CACNA2D3: variants seen among roughly 807,000 people sequenced by gnomAD.
CACNA2D3 encodes calcium voltage-gated channel auxiliary subunit alpha2delta 3.
CACNA2D3 carries 60 observed loss-of-function variants against 160.6 expected under a neutral mutation model. That is an observed-to-expected ratio of 0.37 (90% CI 0.30 to 0.46). The LOEUF (loss-of-function observed/expected upper bound fraction) is 0.46. CACNA2D3 is among the 20% of genes least tolerant of loss of function. The pLI is 1.00. For missense variants in CACNA2D3, 1,205 were observed against 1,365.0 expected (o/e 0.88, Z 1.85); for synonymous variants, 558 against 492.9 (o/e 1.13, Z -1.75).
chr3:54,317,388 A>T (rs913057983), intron 2 of CACNA2D3, among the ~76,000 whole-genome samples: 1 of 152,162 alleles, frequency 6.6e-6, no homozygotes, highest in African/African-American at 2.4e-5. Context: ...TTTACAAGAG[A>T]AGAGTTCTAT....
At chr3:54,844,531 C>G (rs1023834399) in intron 16 of CACNA2D3, among the ~76,000 whole-genome samples, 1 of 152,082 alleles carries the variant, frequency 6.6e-6, no homozygotes, top group South Asian at 2.1e-4. Flanking sequence ...TCTATTGTTT[C>G]CCTACTTCCA....
At chr3:54,436,111 T>C (rs2106783773) in intron 4 of CACNA2D3, among the ~76,000 whole-genome samples, 1 of 152,234 alleles carries the variant, frequency 6.6e-6, no homozygotes, top group Non-Finnish European at 1.5e-5. Context: ...ATTCACATCA[T>C]CTGAGATCCA....
intron 9 of CACNA2D3, among the ~76,000 whole-genome samples, chr3:54,617,669 T>A (rs1698883754): frequency 6.6e-6 from 1 of 152,226 alleles, no homozygotes; most frequent in African/African-American, 2.4e-5. Context: ...TATCCAAAAT[T>A]CAAAGTTAAT....
intron 17 of CACNA2D3, among the ~76,000 whole-genome samples, chr3:54,864,430 G>A (rs987717094): frequency 1.3e-5 from 2 of 152,046 alleles, no homozygotes; most frequent in Non-Finnish European, 2.9e-5. Flanking sequence ...ACACCACTGC[G>A]CTCAGCTAAT....
chr3:55,015,875 A>G (rs1469352321), intron 34 of CACNA2D3, among the ~76,000 whole-genome samples: 1 of 152,186 alleles, frequency 6.6e-6, no homozygotes, highest in Non-Finnish European at 1.5e-5. Flanking sequence ...AAGATTTGGG[A>G]AGAGAATGAT....
chr3:54,218,064 ATTAGAGAGAGGTGCG>A (rs1559885730), intron 2 of CACNA2D3, among the ~76,000 whole-genome samples: 1 of 152,048 alleles, frequency 6.6e-6, no homozygotes, highest in Admixed American at 6.6e-5. Context: ...AGAGAGGTGC[ATTAGAGAGAGGTGCG>A]TTAGAGAGAG....
intron 17 of CACNA2D3, among the ~76,000 whole-genome samples, chr3:54,862,349 A>T (rs540650442): frequency 1.1e-4 from 16 of 151,414 alleles, no homozygotes; most frequent in Admixed American, 3.3e-4. Context: ...AAATAAAGCT[A>T]TTAAACCAAG....
chr3:54,759,353 G>A (rs755259190), intron 12 of CACNA2D3, among the ~76,000 whole-genome samples: 1 of 152,108 alleles, frequency 6.6e-6, no homozygotes, highest in Non-Finnish European at 1.5e-5. Context: ...GAGGGAAAGT[G>A]GCCAGCTGAG....
At chr3:54,495,542 A>C (rs1220832405) in intron 4 of CACNA2D3, among the ~76,000 whole-genome samples, 2 of 152,204 alleles carry the variant, frequency 1.3e-5, no homozygotes, top group African/African-American at 4.8e-5. Flanking sequence ...TGAGGCCAAG[A>C]GTTCAAAACC....
At chr3:54,854,279 C>T (rs1699120353) in intron 17 of CACNA2D3, among the ~76,000 whole-genome samples, 1 of 152,204 alleles carries the variant, frequency 6.6e-6, no homozygotes, top group South Asian at 2.1e-4. Context: ...AAAAAGAAAA[C>T]AGAGCCTTGT....
chr3:54,515,277 A>T (rs2106972298), intron 5 of CACNA2D3, among the ~76,000 whole-genome samples: 1 of 152,196 alleles, frequency 6.6e-6, no homozygotes, highest in Admixed American at 6.5e-5. Context: ...AGAGATGTTC[A>T]GGAAATTAAT....
chr3:54,179,620 G>A (rs1157200943), intron 2 of CACNA2D3, among the ~76,000 whole-genome samples: 3 of 152,162 alleles, frequency 2.0e-5, no homozygotes, highest in Non-Finnish European at 2.9e-5. Flanking sequence ...TGTTAAAACC[G>A]AATTTGTATT....
At chr3:54,942,897 G>A (rs1701511067) in intron 27 of CACNA2D3, among the ~76,000 whole-genome samples, 1 of 152,100 alleles carries the variant, frequency 6.6e-6, no homozygotes, top group African/African-American at 2.4e-5. Context: ...GGTGGCACGT[G>A]CCTGTAGTCC....
chr3:55,007,904 G>C, intron 33 of CACNA2D3, 62 bp downstream of exon 33: 1 of 1,165,518 alleles, frequency 8.6e-7, no homozygotes. Flanking sequence ...GTATCATAAA[G>C]TGATCTAAGA....
rs565773295 is a variant in CACNA2D3 at position 54,491,600 on chromosome 3, A to G, written c.382-11892A>G. On this transcript the variant is annotated intron_variant, in intron 4 of 37. Coordinates refer to ENST00000474759, the MANE Select transcript of CACNA2D3 (RefSeq NM_018398.3). ...TGAGATTATGTGCTCTCACCTGAAA[A>G]GAGGGAACCAGAGCAGAGTTCAGGA... is the stretch of plus-strand genomic sequence containing the variant. 2.0e-4 allele frequency among the ~76,000 whole-genome samples: 31 copies of G among 152,300 alleles called. No individual in the cohort carries two copies. In the South Asian group the frequency reaches 6.0e-3, roughly 30 times the overall value.
chr3:54,441,056 C>T lies in CACNA2D3; in HGVS notation c.381+54282C>T, dbSNP rs539661762. On this transcript the variant is annotated intron_variant, in intron 4 of 37. Coordinates refer to ENST00000474759, the MANE Select transcript of CACNA2D3 (RefSeq NM_018398.3). ...TTCTAGTTCTAGATCCCTGAGGAAT[C>T]GCCACACTGACTTCCACAATGGTTG... Among the ~76,000 whole-genome samples the T allele has an allele frequency of 8.1e-3, 1,230 of 152,122 alleles. 10 individuals carry two copies. Among genetic ancestry groups the T allele is most frequent in the African/African-American group, 0.025 (1,044 of 41,526 alleles).
intron 3 of CACNA2D3, among the ~76,000 whole-genome samples, chr3:54,381,781 T>C (rs750520465): frequency 6.6e-6 from 1 of 152,228 alleles, no homozygotes; most frequent in Non-Finnish European, 1.5e-5. Context: ...CTGTAAATAC[T>C]ATCCATGGTC....
At chr3:54,321,624 A>G (rs1391131678) in intron 3 of CACNA2D3, among the ~76,000 whole-genome samples, 3 of 152,154 alleles carry the variant, frequency 2.0e-5, no homozygotes, top group Non-Finnish European at 4.4e-5. Context: ...CCATTTTACA[A>G]GAGAGGAGAC....
intron 21 of CACNA2D3, among the ~76,000 whole-genome samples, chr3:54,881,134 A>T (rs945226969): frequency 6.6e-6 from 1 of 152,112 alleles, no homozygotes; most frequent in African/African-American, 2.4e-5. Context: ...ACTATGAGTA[A>T]CTCACAGTCA....
Sources: gnomAD v4.1 joint callset for allele counts (sites outside exome capture counted in the v4.1 genomes callset) on GRCh38, gnomAD v4.1.1 for gene constraint, MANE v1.5 for transcripts, NCBI Gene and HGNC (gene_info 2026-07-23, HGNC 2026-07-21) for gene names.